The following OPCML variants were observed in gnomAD, a reference collection of about 807,000 sequenced individuals.
OPCML encodes the protein opioid binding protein/cell adhesion molecule like, also known as opioid-binding protein/cell adhesion molecule.
OPCML carries 13 observed loss-of-function variants against 37.8 expected under a neutral mutation model. The ratio of observed to expected loss-of-function variants is 0.34; its 90% CI spans 0.22 to 0.55. The LOEUF (loss-of-function observed/expected upper bound fraction) is 0.55, where lower values mean the gene tolerates loss of function less well. Ranked by LOEUF, OPCML falls within the 20% of genes least tolerant of loss-of-function variation. The pLI is 0.91. For synonymous variants in OPCML, 176 were observed against 168.8 expected, an observed-to-expected ratio of 1.04 and a Z score of -0.33; for missense variants, 341 against 435.6, an observed-to-expected ratio of 0.78 and a Z score of 1.93.
rs534953483 is a variant in OPCML, at chr11:132,951,268, G to A, written c.62-8258C>T. The stretch of plus-strand genomic sequence containing the variant: ...ATACTGCAGACTAGGTGGCCTCACA[G>A]GAATCGGTTTTCTCACAGTGGCACA... On this transcript the variant is annotated intron_variant, in intron 1 of 7. Transcript: ENST00000524381. Among the ~76,000 whole-genome samples the A allele has an allele frequency of 2.0e-4, 30 of 152,318 alleles. No individual in the cohort carries two copies. The South Asian group carries it at 4.8e-3, about 24-fold the overall frequency.
intron 1 of OPCML, among the ~76,000 whole-genome samples, chr11:133,087,613 C>T (rs1047049128): frequency 4.6e-5 from 7 of 152,166 alleles, no homozygotes; most frequent in Non-Finnish European, 7.4e-5. Context: ...AATTTTCTGT[C>T]GCAACCCGAG....
chr11:132,499,576 C>A lies in OPCML; in HGVS notation c.505+29485G>T, dbSNP rs146929528. Among the ~76,000 whole-genome samples, 1,206 of 152,276 alleles carry A rather than the reference C, an allele frequency of 7.9e-3. 22 individuals are homozygous for A. The highest frequency in any genetic ancestry group is 0.028 in the African/African-American group (1,146 of 41,536). ...CATCGCAGAGGAGGCAGAGAAATTC[C>A]ATGTTTAAAAGCTCAAAGTCTGGAA... is the stretch of plus-strand genomic sequence containing the variant. On this transcript the variant is annotated intron_variant, in intron 4 of 7. Coordinates refer to ENST00000524381, the MANE Select transcript of OPCML (RefSeq NM_001012393.5).
chr11:133,240,430 C>T (rs1565523954), intron 1 of OPCML, among the ~76,000 whole-genome samples: 1 of 152,100 alleles, frequency 6.6e-6, no homozygotes, highest in Non-Finnish European at 1.5e-5. Context: ...ATCTATTGTT[C>T]ACCGCACCAG....
intron 2 of OPCML, among the ~76,000 whole-genome samples, chr11:132,689,002 G>A (rs1458143817): frequency 6.9e-6 from 1 of 144,136 alleles, no homozygotes. Flanking sequence ...GCTCCTTTTT[G>A]TGTATTTGAG....
chr11:132,929,523 G>C (rs1016244409), intron 2 of OPCML, among the ~76,000 whole-genome samples: 3 of 152,086 alleles, frequency 2.0e-5, no homozygotes, highest in Non-Finnish European at 2.9e-5. Context: ...AATTCAAGAG[G>C]AGAGAACACT....
chr11:132,974,365 G>A (rs1053271051), intron 1 of OPCML, among the ~76,000 whole-genome samples: 5 of 151,846 alleles, frequency 3.3e-5, no homozygotes, highest in Non-Finnish European at 7.4e-5. Flanking sequence ...CCTTTAACTC[G>A]CCACTCTACC....
intron 4 of OPCML, among the ~76,000 whole-genome samples, chr11:132,510,610 G>A (rs1442337643): frequency 6.6e-6 from 1 of 152,148 alleles, no homozygotes; most frequent in Non-Finnish European, 1.5e-5. Context: ...GTTTATCAGG[G>A]CTTTCCACTT....
intron 3 of OPCML, among the ~76,000 whole-genome samples, chr11:132,650,939 T>G (rs1941399110): frequency 6.6e-6 from 1 of 152,154 alleles, no homozygotes. Context: ...TGGGTAATAT[T>G]TAGGAAAAGA....
chr11:132,854,313 T>G (rs1941954447), intron 2 of OPCML, among the ~76,000 whole-genome samples: 1 of 152,230 alleles, frequency 6.6e-6, no homozygotes, highest in African/African-American at 2.4e-5. Flanking sequence ...GATGTGTTCT[T>G]GTTCATCAAT....
In OPCML at chr11:133,174,367, GC is replaced by G. The variant is rs537053805; in HGVS notation, c.62-231358del. On this transcript the variant is annotated intron_variant, in intron 1 of 7. Coordinates refer to ENST00000524381, the MANE Select transcript of OPCML (RefSeq NM_001012393.5). The surrounding 1 kb of genome is among the most constrained non-coding windows in gnomAD (Gnocchi z 4.6). ...AATGGCCATTTCTAGTTTCTCAAAA[GC>G]CCCATTCCCTGTGCCTGGTAGTGAA... 2.0e-4 allele frequency among the ~76,000 whole-genome samples: 31 copies of G among 152,188 alleles called. No homozygotes were observed. In the East Asian group the frequency reaches 5.2e-3, roughly 26 times the overall value.
intron 1 of OPCML, among the ~76,000 whole-genome samples, chr11:133,113,630 A>T (rs1469116740): frequency 1.3e-5 from 2 of 152,248 alleles, no homozygotes; most frequent in Non-Finnish European, 2.9e-5. Context: ...CTACAGCCAA[A>T]CACTAGCAAT....
intron 1 of OPCML, among the ~76,000 whole-genome samples, chr11:133,104,696 A>T (rs1199546190): frequency 6.6e-6 from 1 of 152,248 alleles, no homozygotes; most frequent in African/African-American, 2.4e-5. Context: ...AAGGGCCTAT[A>T]AATGCCTTCA....
At chr11:133,227,159 C>T (rs554373934) in intron 1 of OPCML, among the ~76,000 whole-genome samples, 2 of 152,244 alleles carry the variant, frequency 1.3e-5, no homozygotes, top group Non-Finnish European at 2.9e-5. Flanking sequence ...ATACCAATGG[C>T]CCCGGAGGGA....
intron 2 of OPCML, among the ~76,000 whole-genome samples, chr11:132,728,484 T>C (rs1445476042): frequency 1.3e-5 from 2 of 152,098 alleles, no homozygotes; most frequent in Non-Finnish European, 2.9e-5. Context: ...ATAAAATCAA[T>C]AATAATAACA....
At chr11:132,474,276 A>G (rs2096147506) in intron 4 of OPCML, among the ~76,000 whole-genome samples, 1 of 141,428 alleles carries the variant, frequency 7.1e-6, no homozygotes, top group Non-Finnish European at 1.6e-5. Context: ...CCCAGTTTTT[A>G]CCCTGTTTAT....
At chr11:132,441,839 T>C (rs2096036767) in intron 4 of OPCML, among the ~76,000 whole-genome samples, 1 of 152,158 alleles carries the variant, frequency 6.6e-6, no homozygotes, top group African/African-American at 2.4e-5. Context: ...TCCTTGGGGA[T>C]AGGATGAGCA....
intron 1 of OPCML, among the ~76,000 whole-genome samples, chr11:133,168,905 G>T (rs1284539282): frequency 6.7e-6 from 1 of 149,722 alleles, no homozygotes; most frequent in African/African-American, 2.4e-5. Context: ...AAGGCAGGTG[G>T]GTCACCTGAG....
At chr11:133,524,986 G>GT (rs1365380342) in intron 1 of OPCML, among the ~76,000 whole-genome samples, 5 of 152,192 alleles carry the variant, frequency 3.3e-5, no homozygotes, top group Admixed American at 3.3e-4. Context: ...AACAAATACT[G>GT]TTTGAGCACT....
intron 1 of OPCML, among the ~76,000 whole-genome samples, chr11:133,492,690 G>A (rs1461722603): frequency 2.0e-5 from 3 of 147,966 alleles, no homozygotes; most frequent in Admixed American, 1.3e-4. Context: ...AGACAGATAA[G>A]AGCTAAGCAG....
Sources: allele counts gnomAD v4.1 joint callset (sites outside exome capture counted in the v4.1 genomes callset), GRCh38; gene constraint gnomAD v4.1.1; non-coding constraint Gnocchi (gnomAD v3.1); transcripts MANE v1.5; gene names NCBI Gene and HGNC (gene_info 2026-07-23, HGNC 2026-07-21).